The following DESI2 variants were observed in gnomAD, a reference collection of about 807,000 sequenced individuals.
DESI2 encodes the protein desumoylating isopeptidase 2.
DESI2 carries 10 observed loss-of-function variants against 24.1 expected under a neutral mutation model. That is an observed-to-expected ratio of 0.41 (90% confidence interval 0.26 to 0.70). DESI2 has a LOEUF of 0.70. DESI2 is among the 30% of genes least tolerant of loss of function. The pLI is 0.29. For missense variants in DESI2, 122 were observed against 234.9 expected (o/e 0.52, Z 3.14); for synonymous variants, 71 against 87.7 (o/e 0.81, Z 1.06).
At chr1:244,666,310 C>T (rs953386982) in intron 1 of DESI2, among the ~76,000 whole-genome samples, 7 of 152,288 alleles carry the variant, frequency 4.6e-5, no homozygotes, top group East Asian at 1.9e-4. Flanking sequence ...TGAAACCTTC[C>T]GCTGTGTACT....
chr1:244,691,123 C>G (rs376381760), intron 3 of DESI2, among the ~76,000 whole-genome samples: 1 of 152,206 alleles, frequency 6.6e-6, no homozygotes, highest in East Asian at 1.9e-4. Context: ...GAGTCTTGCT[C>G]TGTCACCCTG....
At chr1:244,672,083 C>G (rs971126018) in intron 1 of DESI2, among the ~76,000 whole-genome samples, 24 of 152,054 alleles carry the variant, frequency 1.6e-4, no homozygotes, top group African/African-American at 5.3e-4. Context: ...CTGTAATACC[C>G]AACACTTTGG....
chr1:244,691,700 T>C (rs773102162), intron 3 of DESI2, among the ~76,000 whole-genome samples, 179 bp from the exon 4 acceptor site: 1 of 152,240 alleles, frequency 6.6e-6, no homozygotes, highest in Non-Finnish European at 1.5e-5. Flanking sequence ...AAGTAGAAAC[T>C]AAAATAGGAC....
Position 244,689,636 on chromosome 1 carries a change from A to G in DESI2, c.209+294A>G, listed in dbSNP as rs1026836134. 5.9e-5 allele frequency among the ~76,000 whole-genome samples: 9 copies of G among 152,046 alleles called. No individual in the cohort carries two copies. Among genetic ancestry groups the G allele is most frequent in the East Asian group, 1.9e-4 (1 of 5,168 alleles). On this transcript the variant is annotated intron_variant, in intron 3 of 4. Coordinates refer to ENST00000302550, the MANE Select transcript of DESI2 (RefSeq NM_016076.5). The surrounding 1 kb of genome is among the most constrained non-coding windows in gnomAD (Gnocchi z 4.0). ...GCGATTCTCCTGCCTCAGGCTCCCA[A>G]GTAGCTGGGATTACAGGCGTGCACC...
At chr1:244,703,768 C>G (rs1305169060) in intron 4 of DESI2, among the ~76,000 whole-genome samples, 1 of 151,866 alleles carries the variant, frequency 6.6e-6, no homozygotes, top group East Asian at 1.9e-4. Flanking sequence ...ACGCCATTCT[C>G]CTGCCTCAGC....
intron 1 of DESI2, among the ~76,000 whole-genome samples, chr1:244,657,155 C>A (rs1675675123): frequency 6.6e-6 from 1 of 152,232 alleles, no homozygotes; most frequent in South Asian, 2.1e-4. Context: ...TAGGACACTT[C>A]AAATAAGGAC....
At chr1:244,676,596 CA>C (rs1396360298) in intron 1 of DESI2, among the ~76,000 whole-genome samples, 2 of 151,664 alleles carry the variant, frequency 1.3e-5, no homozygotes, top group Non-Finnish European at 2.9e-5. Context: ...CAGTGTTTAA[CA>C]GAAGTGGCAA....
At chr1:244,701,206 T>C (rs1677437944) in intron 4 of DESI2, among the ~76,000 whole-genome samples, 2 of 52,972 alleles carry the variant, frequency 3.8e-5, no homozygotes, top group Admixed American at 2.7e-4. Flanking sequence ...CTGGACCACC[T>C]TCCCCTCCAC....
intron 3 of DESI2, among the ~76,000 whole-genome samples, chr1:244,691,384 C>T (rs796557548): frequency 3.5e-4 from 54 of 152,216 alleles, no homozygotes; most frequent in African/African-American, 1.1e-3. Context: ...CCGCCATACC[C>T]GGCCAGGGTC....
chr1:244,686,821 G>A (rs547377663), intron 2 of DESI2, 152 bp downstream of exon 2: 23 of 521,642 alleles, frequency 4.4e-5, no homozygotes, highest in East Asian at 9.4e-5. Flanking sequence ...TTTATACTGC[G>A]TTTTGGAAAA....
At chr1:244,658,379 G>A (rs1675721002) in intron 1 of DESI2, among the ~76,000 whole-genome samples, 1 of 152,160 alleles carries the variant, frequency 6.6e-6, no homozygotes, top group African/African-American at 2.4e-5. Context: ...CCTTCTGTCT[G>A]GAGTGGCATT....
At chr1:244,669,239 G>T (rs1676153900) in intron 1 of DESI2, among the ~76,000 whole-genome samples, 1 of 151,354 alleles carries the variant, frequency 6.6e-6, no homozygotes, top group African/African-American at 2.4e-5. Context: ...TTAAGTGATT[G>T]TCCCACCTTG....
chr1:244,696,279 C>G (rs1652738718), intron 4 of DESI2, among the ~76,000 whole-genome samples: 1 of 152,150 alleles, frequency 6.6e-6, no homozygotes, highest in Admixed American at 6.5e-5. Context: ...GAATCCAAAT[C>G]TAAACAAAAG....
At chr1:244,694,644 T>C in intron 4 of DESI2, 1 of 833,154 alleles carries the variant, frequency 1.2e-6, no homozygotes, top group Non-Finnish European at 2.1e-6. Context: ...CTGAAGGTGG[T>C]AGGCCTTAGA....
chr1:244,701,209 C>CGG (rs1677440876), intron 4 of DESI2, among the ~76,000 whole-genome samples: 1 of 34,972 alleles, frequency 2.9e-5, no homozygotes, highest in African/African-American at 2.1e-4. Context: ...GACCACCTTC[C>CGG]CCTCCACCCC....
chr1:244,670,221 T>G (rs1372537554), intron 1 of DESI2, among the ~76,000 whole-genome samples: 1 of 152,136 alleles, frequency 6.6e-6, no homozygotes, highest in African/African-American at 2.4e-5. Flanking sequence ...CCTCCCACAG[T>G]GCTGGGATTA....
chr1:244,653,712 G>T, intron 1 of DESI2: 1 of 375,692 alleles, frequency 2.7e-6, no homozygotes, highest in Non-Finnish European at 5.0e-6. Context: ...CGGCCCCCGG[G>T]GCTGCCCCGG....
At chr1:244,680,612 G>A (rs1676574800) in intron 1 of DESI2, among the ~76,000 whole-genome samples, 1 of 152,084 alleles carries the variant, frequency 6.6e-6, no homozygotes, top group African/African-American at 2.4e-5. Context: ...AACTATTAAT[G>A]ATGCTCAGTT....
intron 1 of DESI2, among the ~76,000 whole-genome samples, chr1:244,670,429 A>G (rs1253476457): frequency 6.6e-6 from 1 of 152,244 alleles, no homozygotes; most frequent in East Asian, 1.9e-4. Context: ...ACACATGCAT[A>G]CAATCTTCCC....
Sources: gnomAD v4.1 joint callset for allele counts (sites outside exome capture counted in the v4.1 genomes callset) on GRCh38, gnomAD v4.1.1 for gene constraint, Gnocchi (gnomAD v3.1) non-coding constraint, MANE v1.5 for transcripts, NCBI Gene and HGNC (gene_info 2026-07-23, HGNC 2026-07-21) for gene names.